The following CNTRL variants were observed in gnomAD, a reference collection of about 807,000 sequenced individuals.
CNTRL encodes centriolin.
CNTRL carries 233 observed loss-of-function variants against 303.7 expected under a neutral mutation model. The observed-to-expected ratio is 0.77, with a 90% CI of 0.69 to 0.86. The LOEUF is 0.86. Ranked by LOEUF, CNTRL falls within the 40% of genes least tolerant of loss-of-function variation. CNTRL has a pLI of 0.00. For missense variants in CNTRL, 2,524 were observed against 2,650.6 expected, an observed-to-expected ratio of 0.95 and a Z score of 1.05; for synonymous variants, 900 against 922.2, an observed-to-expected ratio of 0.98 and a Z score of 0.44.
intron 12 of CNTRL, chr9:121,122,008 T>G: frequency 2.5e-6 from 2 of 789,156 alleles, no homozygotes; most frequent in Non-Finnish European, 3.1e-6. Flanking sequence ...GAGTCAGAGA[T>G]GTAAGTTCCT....
rs769404106 is a variant in CNTRL at position 121,154,772 on chromosome 9, A to G, written c.4224A>G (p.Glu1408=). The change falls in exon 27 of 44, where the codon GAA becomes GAG. Residue 1408 remains glutamate (E), a synonymous_variant. Transcript: ENST00000373855. ...GTCTTATGACTGAACTAGAAATAGA[A>G]AAATCACTCAAACATCATGAAGATA... is the stretch of plus-strand genomic sequence containing the variant. ...VESLMTELEI[E]KSLKHHEDIV... is the part of the protein sequence containing the mutation. 13 of 1,611,782 alleles carry G rather than the reference A, an allele frequency of 8.1e-6. No individual in the cohort carries two copies. Among genetic ancestry groups the G allele is most frequent in the Non-Finnish European group, 1.1e-5 (13 of 1,177,880 alleles).
intron 12 of CNTRL, 34 bp downstream of exon 12, chr9:121,118,574 C>T (rs889474101): frequency 9.4e-6 from 14 of 1,486,824 alleles, no homozygotes; most frequent in Admixed American, 2.0e-5. Context: ...CTTGTTCTGT[C>T]TACATATTAC....
At chr9:121,175,268 T>G (rs757025007) in intron 43 of CNTRL, 44 bp downstream of exon 43, 34 of 1,584,826 alleles carry the variant, frequency 2.1e-5, no homozygotes, top group East Asian at 9.0e-5. Context: ...AGCCTGAGGT[T>G]GTTTTTTGTC....
At chr9:121,095,731 T>C (rs939947160) in intron 5 of CNTRL, among the ~76,000 whole-genome samples, 7 of 152,176 alleles carry the variant, frequency 4.6e-5, no homozygotes, top group African/African-American at 1.7e-4. Context: ...AAAAGTTGAC[T>C]CTGATGAAAA....
At chr9:121,152,952 TC>T (rs1281085995) in intron 26 of CNTRL, among the ~76,000 whole-genome samples, 44 of 152,198 alleles carry the variant, frequency 2.9e-4, no homozygotes, top group African/African-American at 8.7e-4. Flanking sequence ...ATAATACAAA[TC>T]AGCTCTTATT....
chr9:121,152,413 A>G, intron 25 of CNTRL, 72 bp from the exon 26 acceptor site: 1 of 1,258,990 alleles, frequency 7.9e-7, no homozygotes, highest in Non-Finnish European at 1.2e-6. Context: ...AGTTAATTTC[A>G]GCTTTTGGCA....
At chr9:121,076,391 G>T (rs1015177468) in intron 1 of CNTRL, among the ~76,000 whole-genome samples, 1 of 152,136 alleles carries the variant, frequency 6.6e-6, no homozygotes, top group Non-Finnish European at 1.5e-5. Context: ...GAAGGATACG[G>T]GGGCTAGAGT....
In CNTRL at chr9:121,118,377, A is replaced by G. The variant is rs1183334876; in HGVS notation, c.1487A>G (p.Lys496Arg). The G allele has an allele frequency of 6.2e-7, 1 of 1,602,602 alleles. No individual in the cohort carries two copies. The highest frequency in any genetic ancestry group is 1.1e-5 in the South Asian group (1 of 89,470). The stretch of plus-strand genomic sequence containing the variant: ...GAAGCAGGGAAAGACCTTCTTTACA[A>G]GCAGTTGAGTGGTAGACTACAACTT... ...ISEAGKDLLYKQLSGRLQLVN... is the reference protein window; with the variant it reads ...ISEAGKDLLYRQLSGRLQLVN... The change falls in exon 12 of 44, where the codon AAG (lysine) becomes AGG (arginine). Residue 496 changes from lysine to arginine, a missense_variant. Coordinates refer to ENST00000373855, the MANE Select transcript of CNTRL (RefSeq NM_007018.6).
chr9:121,112,427 G>C (rs780731807), intron 8 of CNTRL, 32 bp from the exon 9 acceptor site: 99 of 1,604,172 alleles, frequency 6.2e-5, no homozygotes, highest in Admixed American at 1.2e-4. Flanking sequence ...TACTGATCCT[G>C]TATGTTGTCT....
chr9:121,168,027 C>T (rs2053161225), intron 37 of CNTRL, 69 bp from the exon 38 acceptor site: 1 of 1,324,740 alleles, frequency 7.5e-7, no homozygotes, highest in African/African-American at 1.5e-5. Context: ...GAATCTGTCT[C>T]ATGTCCATGC....
chr9:121,112,383 G>C, intron 8 of CNTRL, 76 bp from the exon 9 acceptor site: 8 of 1,365,582 alleles, frequency 5.9e-6, no homozygotes, highest in Non-Finnish European at 8.2e-6. Flanking sequence ...CTTACGATGA[G>C]AACTTACCAT....
At chr9:121,081,263 T>C (rs965819145) in intron 2 of CNTRL, among the ~76,000 whole-genome samples, 2 of 152,234 alleles carry the variant, frequency 1.3e-5, no homozygotes, top group African/African-American at 4.8e-5. Flanking sequence ...TTAATAGAGA[T>C]ATGAAAAACT....
intron 14 of CNTRL, 128 bp from the exon 15 acceptor site, chr9:121,135,678 A>C: frequency 1.3e-6 from 1 of 781,020 alleles, no homozygotes; most frequent in South Asian, 2.5e-5. Flanking sequence ...TTGCTACTGA[A>C]AACTTTGTGG....
chr9:121,141,995 C>G, intron 18 of CNTRL, 96 bp from the exon 19 acceptor site: 1 of 963,286 alleles, frequency 1.0e-6, no homozygotes, highest in Non-Finnish European at 1.5e-6. Flanking sequence ...AAGTTACAGC[C>G]TGTTGTAAAA....
chr9:121,094,724 C>A (rs1003396392), intron 4 of CNTRL, among the ~76,000 whole-genome samples, 164 bp from the exon 5 acceptor site: 1 of 152,168 alleles, frequency 6.6e-6, no homozygotes, highest in African/African-American at 2.4e-5. Context: ...AGAGTTATTA[C>A]TCCTAGTCAA....
intron 41 of CNTRL, 75 bp downstream of exon 41, chr9:121,173,584 G>C: frequency 1.9e-6 from 3 of 1,609,530 alleles, no homozygotes; most frequent in Non-Finnish European, 2.6e-6. Flanking sequence ...ACACAGATGT[G>C]GGGGTGCTGG....
At chr9:121,168,073 A>G in intron 37 of CNTRL, 23 bp from the exon 38 acceptor site, 1 of 1,589,418 alleles carries the variant, frequency 6.3e-7, no homozygotes. Flanking sequence ...TTTAATGACT[A>G]ATCAAGATTA....
chr9:121,079,122 G>A (rs372558381), intron 1 of CNTRL, among the ~76,000 whole-genome samples: 23 of 152,192 alleles, frequency 1.5e-4, no homozygotes, highest in African/African-American at 5.3e-4. Context: ...AGACACTTAC[G>A]ATAGCAAAAG....
intron 2 of CNTRL, among the ~76,000 whole-genome samples, chr9:121,081,038 A>G (rs1270867991): frequency 1.3e-5 from 2 of 152,216 alleles, no homozygotes; most frequent in African/African-American, 2.4e-5. Flanking sequence ...TAACGCTAAT[A>G]GACTGAGTGA....
Sources: allele counts gnomAD v4.1 joint callset (sites outside exome capture counted in the v4.1 genomes callset), GRCh38; gene constraint gnomAD v4.1.1; transcripts MANE v1.5; gene names NCBI Gene and HGNC (gene_info 2026-07-23, HGNC 2026-07-21).